CALB2: variants seen among roughly 807,000 people sequenced by gnomAD.
CALB2 encodes calbindin 2, also known as calretinin.
In CALB2, 34 loss-of-function variants were observed where a neutral mutation model predicts 45.9. The observed-to-expected ratio is 0.74, with a 90% CI of 0.56 to 0.99. The LOEUF (loss-of-function observed/expected upper bound fraction) is 0.99, where lower values mean the gene tolerates loss of function less well. Among genes scored for constraint, CALB2 ranks in the 50% least tolerant of loss-of-function variants. The probability of loss-of-function intolerance (pLI) is 0.00; values close to 1 mark genes in which losing one functional copy is unlikely to be tolerated. For missense variants in CALB2, 344 were observed against 339.3 expected, an observed-to-expected ratio of 1.01 and a Z score of -0.11; for synonymous variants, 142 against 129.6, an observed-to-expected ratio of 1.10 and a Z score of -0.65.
intron 1 of CALB2, among the ~76,000 whole-genome samples, chr16:71,366,018 C>CTTTTTTTTTTTTTTTT: frequency 3.5e-5 from 1 of 28,744 alleles, no homozygotes; most frequent in East Asian, 4.0e-4. Flanking sequence ...TCTTCCCTCT[C>CTTTTTTTTTTTTTTTT]TCTCTCTTTT....
Position 71,383,905 on chromosome 16 carries a change from A to C in CALB2, c.478-65A>C, listed in dbSNP as rs549138130. On this transcript the variant is annotated intron_variant, in intron 6 of 10. Coordinates refer to ENST00000302628, the MANE Select transcript of CALB2 (RefSeq NM_001740.5). ...CGTCCTCCTTCCCATCCTCTCCAGT[A>C]AAAGGGGATGTCAGGTCAGAGAAAT... 117 of 1,559,168 alleles carry C rather than the reference A, an allele frequency of 7.5e-5. No individual in the cohort carries two copies. In the African/African-American group the frequency reaches 1.4e-3, roughly 19 times the overall value.
intron 1 of CALB2, among the ~76,000 whole-genome samples, chr16:71,363,242 C>T (rs2042251990): frequency 6.6e-6 from 1 of 152,194 alleles, no homozygotes; most frequent in Non-Finnish European, 1.5e-5. Context: ...GTGATAGACA[C>T]CTTTTCTTCC....
chr16:71,384,945 C>A, intron 9 of CALB2, 109 bp downstream of exon 9: 2 of 901,680 alleles, frequency 2.2e-6, no homozygotes, highest in Non-Finnish European at 3.6e-6. Flanking sequence ...TGGCCTGGGC[C>A]GTGTGGTTTC....
At chr16:71,359,503 G>A (rs1460336583) in intron 1 of CALB2, among the ~76,000 whole-genome samples, 6 of 152,170 alleles carry the variant, frequency 3.9e-5, no homozygotes, top group Non-Finnish European at 5.9e-5. Flanking sequence ...GCGTTGGGGT[G>A]CCAGTCCCAG....
chr16:71,377,728 C>G lies in CALB2; in HGVS notation c.323C>G (p.Ser108Cys). The G allele has an allele frequency of 6.2e-7, 1 of 1,613,994 alleles. No homozygotes were observed. The highest frequency in any genetic ancestry group is 8.5e-7 in the Non-Finnish European group (1 of 1,179,884). Residue 108 changes from serine to cysteine, a missense_variant, in exon 4 of 11, where the codon TCC becomes TGC. Physicochemically the swap from Ser to Cys is moderately radical, Grantham distance 112 (BLOSUM62 -1). Transcript: ENST00000302628. ...FLLCFRQHVG[S>C]SAEFMEAWRK... ...CTGTGCTTCAGGCAGCACGTGGGCT[C>G]CAGCGCCGAGTTTATGGAGGTGAGG...
chr16:71,379,850 G>A (rs557151409), intron 4 of CALB2, among the ~76,000 whole-genome samples: 3 of 152,306 alleles, frequency 2.0e-5, no homozygotes, highest in South Asian at 2.1e-4. Flanking sequence ...CAGCTTGCCT[G>A]AGCATCAGAG....
At position 71,377,669 on chromosome 16, in the gene CALB2, G is replaced by C. The variant is rs150938838; in HGVS notation, c.264G>C (p.Leu88=). The part of the protein sequence containing the change: ...NSDGKIEMAE[L]AQILPTEENF... ...TGTCGCTCTCTGTATCTTCACAGCT[G>C]GCGCAGATCCTGCCAACCGAAGAGA... The change falls in exon 4 of 11, where the codon CTG becomes CTC. Residue 88 remains leucine (L), a splice_region_variant and synonymous_variant. Coordinates refer to ENST00000302628, the MANE Select transcript of CALB2 (RefSeq NM_001740.5). 6.2e-7 allele frequency: 1 copy of C among 1,612,614 alleles called. No homozygotes were observed. The highest frequency in any genetic ancestry group is 8.5e-7 in the Non-Finnish European group (1 of 1,178,900).
chr16:71,371,794 G>C (rs953348205), intron 1 of CALB2, among the ~76,000 whole-genome samples: 8 of 152,128 alleles, frequency 5.3e-5, no homozygotes, highest in African/African-American at 1.9e-4. Flanking sequence ...AGGGACCCCA[G>C]TTCTGCCTCT....
Position 71,358,728 on chromosome 16 carries a change from G to T in CALB2, c.-65G>T. 7.7e-7 allele frequency: 1 copy of T among 1,297,448 alleles called. No homozygotes were observed. The highest frequency in any genetic ancestry group is 2.0e-5 in the Admixed American group (1 of 48,910). The allele number at this position is 1,297,448 out of a possible 1,614,324, so 80.4% of individuals were successfully genotyped here. On this transcript the variant is annotated 5_prime_UTR_variant, in exon 1 of 11. Transcript: ENST00000302628. ...GCAGCGTGGCGCACAACCCCAGCGC[G>T]AGTGCCAGAGCCCAGCCGGCGCGGA...
chr16:71,377,852 T>C, intron 4 of CALB2, 105 bp downstream of exon 4: 2 of 760,144 alleles, frequency 2.6e-6, no homozygotes, highest in Non-Finnish European at 4.5e-6. Flanking sequence ...TGGGAGATGC[T>C]AAACCCCTTA....
At chr16:71,377,845 G>A in intron 4 of CALB2, 98 bp downstream of exon 4, 1 of 831,360 alleles carries the variant, frequency 1.2e-6, no homozygotes, top group Non-Finnish European at 2.0e-6. Flanking sequence ...TGGTCCCTGG[G>A]AGATGCTAAA....
At chr16:71,372,123 G>C (rs1486474508) in intron 1 of CALB2, 30 bp from the exon 2 acceptor site, 4 of 1,496,138 alleles carry the variant, frequency 2.7e-6, no homozygotes, top group East Asian at 4.5e-5. Flanking sequence ...ATTTAGTGCT[G>C]AGATTGATTT....
chr16:71,382,324 C>A (rs969485547), intron 4 of CALB2, among the ~76,000 whole-genome samples: 1 of 152,198 alleles, frequency 6.6e-6, no homozygotes, highest in Non-Finnish European at 1.5e-5. Context: ...TCTCTCTTCT[C>A]CACCAGATGA....
chr16:71,373,842 A>G (rs2042380491), intron 2 of CALB2, among the ~76,000 whole-genome samples: 1 of 152,244 alleles, frequency 6.6e-6, no homozygotes, highest in Non-Finnish European at 1.5e-5. Flanking sequence ...ATATAAATAA[A>G]TACTGATAAA....
chr16:71,376,058 A>G (rs1169392186), intron 3 of CALB2, among the ~76,000 whole-genome samples: 2 of 152,192 alleles, frequency 1.3e-5, no homozygotes, highest in Admixed American at 6.5e-5. Flanking sequence ...AATGGCCACT[A>G]TAGATGCCCA....
chr16:71,378,407 A>C (rs1357979731), intron 4 of CALB2, among the ~76,000 whole-genome samples: 1 of 151,844 alleles, frequency 6.6e-6, no homozygotes, highest in Non-Finnish European at 1.5e-5. Context: ...AAGATAAAAA[A>C]CTTAGTGGGA....
At chr16:71,384,301 G>A (rs957047037) in intron 7 of CALB2, 38 bp from the exon 8 acceptor site, 31 of 1,580,470 alleles carry the variant, frequency 2.0e-5, no homozygotes, top group Non-Finnish European at 2.4e-5. Context: ...CCTTGCCTGT[G>A]CAGTCTCCTC....
chr16:71,381,794 A>T (rs1212780926), intron 4 of CALB2, among the ~76,000 whole-genome samples: 1 of 152,014 alleles, frequency 6.6e-6, no homozygotes, highest in African/African-American at 2.4e-5. Context: ...TAGGAGGATC[A>T]CTTGAACTCA....
At chr16:71,385,385 T>G (rs1378380311) in intron 9 of CALB2, 192 bp from the exon 10 acceptor site, 6 of 486,166 alleles carry the variant, frequency 1.2e-5, no homozygotes, top group Non-Finnish European at 2.2e-5. Flanking sequence ...ACCCAAAGCT[T>G]GCACCCACTG....
Sources: allele counts gnomAD v4.1 joint callset (sites outside exome capture counted in the v4.1 genomes callset), GRCh38; gene constraint gnomAD v4.1.1; transcripts MANE v1.5; gene names NCBI Gene and HGNC (gene_info 2026-07-23, HGNC 2026-07-21).